REV1: variants seen among roughly 807,000 people sequenced by gnomAD.
REV1 encodes the protein translesion synthesis protein REV1.
Under a neutral mutation model 137.4 loss-of-function variants are expected in REV1, and 42 were observed. That is an observed-to-expected ratio of 0.31 (90% CI 0.24 to 0.40). REV1 has a LOEUF of 0.40. Ranked by LOEUF, REV1 falls within the 10% of genes least tolerant of loss-of-function variation. REV1 has a pLI of 1.00. For synonymous variants in REV1, 524 were observed against 519.2 expected (o/e 1.01, Z -0.12); for missense variants, 1,282 against 1,490.1 (o/e 0.86, Z 2.30).
rs991786156 is a variant in REV1 at position 99,404,425 on chromosome 2, G to T, written c.3045+19C>A. On this transcript the variant is annotated intron_variant, in intron 18 of 22. Transcript: ENST00000258428. The stretch of plus-strand genomic sequence containing the variant: ...GAGAATATTGAAACTACAGCAGAGG[G>T]TTCCCATATTTAACTTACCTGTGAA... 41 of 1,595,662 alleles carry T rather than the reference G, an allele frequency of 2.6e-5. No individual in the cohort carries two copies. Among genetic ancestry groups the T allele is most frequent in the Non-Finnish European group, 3.5e-5 (41 of 1,163,670 alleles).
chr2:99,442,276 A>AAAG, intron 5 of REV1, 41 bp downstream of exon 5: 1 of 1,483,000 alleles, frequency 6.7e-7, no homozygotes, highest in Non-Finnish European at 9.1e-7. Context: ...AAAAAAAAAA[A>AAAG]CCAACCAGCT....
At chr2:99,467,928 C>G (rs1169290256) in intron 1 of REV1, among the ~76,000 whole-genome samples, 1 of 152,188 alleles carries the variant, frequency 6.6e-6, no homozygotes, top group Non-Finnish European at 1.5e-5. Flanking sequence ...CGCCTATAAT[C>G]CCAGCACTTT....
Position 99,403,821 on chromosome 2 carries a change from G to A in REV1, c.3046-6C>T. 1 of 1,613,900 alleles carries A rather than the reference G, an allele frequency of 6.2e-7. No individual in the cohort carries two copies. Among genetic ancestry groups the A allele is most frequent in the Non-Finnish European group, 8.5e-7 (1 of 1,179,924 alleles). On this transcript the variant is annotated splice_polypyrimidine_tract_variant and splice_region_variant and intron_variant, in intron 18 of 22. Transcript: ENST00000258428. ...GCAAATACCTCAGGGTCCACCTAGTGGAAAAGACGAGGTCAAAGTCAAACC... is the reference window on the plus strand; with the variant it reads ...GCAAATACCTCAGGGTCCACCTAGTAGAAAAGACGAGGTCAAAGTCAAACC...
chr2:99,401,404 G>T, intron 22 of REV1, 52 bp from the exon 23 acceptor site: 1 of 1,165,192 alleles, frequency 8.6e-7, no homozygotes, highest in Non-Finnish European at 1.2e-6. Flanking sequence ...AGGTCCTTAA[G>T]ACTAATTATT....
chr2:99,409,951 C>T lies in REV1; in HGVS notation c.2345+744G>A, dbSNP rs139830667. On this transcript the variant is annotated intron_variant, in intron 14 of 22. Transcript: ENST00000258428. ...CATCTTTTTACCAATTAAATGTATA[C>T]ACCTATGTAAATGAAGTTGCTCTCC... Among the ~76,000 whole-genome samples, 133 of 148,780 alleles carry T rather than the reference C, an allele frequency of 8.9e-4. No individual in the cohort carries two copies. In the Middle Eastern group the frequency reaches 0.018, roughly 20 times the overall value.
chr2:99,468,892 C>T (rs564873291), intron 1 of REV1, among the ~76,000 whole-genome samples: 3 of 152,180 alleles, frequency 2.0e-5, no homozygotes, highest in Admixed American at 6.5e-5. Context: ...ACGTGGAAAC[C>T]CTTTGAAAAC....
chr2:99,489,479 G>A (rs1326084312), intron 1 of REV1, among the ~76,000 whole-genome samples: 1 of 148,550 alleles, frequency 6.7e-6, no homozygotes, highest in Non-Finnish European at 1.5e-5. Context: ...GGATGCGGCC[G>A]GGCGCGGAGG....
chr2:99,468,176 A>T (rs1429137154), intron 1 of REV1, among the ~76,000 whole-genome samples: 2 of 100,796 alleles, frequency 2.0e-5, no homozygotes, highest in African/African-American at 4.5e-5. Flanking sequence ...GCGAAACTCC[A>T]TCTCAAAAAA....
intron 1 of REV1, among the ~76,000 whole-genome samples, chr2:99,486,902 G>C (rs778055009): frequency 4.4e-5 from 6 of 136,958 alleles, no homozygotes; most frequent in African/African-American, 8.0e-5. Context: ...TCTAAGGGGG[G>C]AAATAAATAA....
At chr2:99,407,907 A>C in intron 15 of REV1, 122 bp downstream of exon 15, 1 of 474,218 alleles carries the variant, frequency 2.1e-6, no homozygotes, top group Non-Finnish European at 3.7e-6. Context: ...TTGTATTACA[A>C]AGCAGCTAAA....
At chr2:99,447,245 C>T (rs572932848) in intron 4 of REV1, among the ~76,000 whole-genome samples, 2 of 151,288 alleles carry the variant, frequency 1.3e-5, no homozygotes, top group East Asian at 2.0e-4. Flanking sequence ...TAACCTTTGT[C>T]TACTGCAACC....
At chr2:99,414,682 T>C (rs1677616876) in intron 12 of REV1, among the ~76,000 whole-genome samples, 1 of 152,252 alleles carries the variant, frequency 6.6e-6, no homozygotes, top group Non-Finnish European at 1.5e-5. Flanking sequence ...TAAGACTTCT[T>C]AACATCAGGG....
intron 14 of REV1, 22 bp from the exon 15 acceptor site, chr2:99,408,153 A>G: frequency 6.8e-7 from 1 of 1,459,928 alleles, no homozygotes. Context: ...AGAATTAAAA[A>G]ACAAAAGCTT....
intron 11 of REV1, among the ~76,000 whole-genome samples, chr2:99,421,240 A>G (rs1678629681): frequency 6.6e-6 from 1 of 152,066 alleles, no homozygotes; most frequent in South Asian, 2.1e-4. Flanking sequence ...GAAAAAAAAA[A>G]CTGTTTACAA....
intron 9 of REV1, chr2:99,424,539 G>T: frequency 2.2e-6 from 1 of 464,604 alleles, no homozygotes; most frequent in Non-Finnish European, 3.7e-6. Flanking sequence ...TGTATCTGAA[G>T]CTTTCTCCTA....
intron 3 of REV1, among the ~76,000 whole-genome samples, chr2:99,455,252 A>AT (rs755014853): frequency 7.9e-5 from 12 of 152,188 alleles, no homozygotes; most frequent in Non-Finnish European, 1.5e-4. Context: ...TCATTATTTC[A>AT]TTTGAGTTTC....
intron 14 of REV1, among the ~76,000 whole-genome samples, chr2:99,409,867 CA>C (rs1553540969): frequency 2.7e-5 from 3 of 109,552 alleles, no homozygotes; most frequent in East Asian, 3.4e-4. Context: ...CCCCCCCCCC[CA>C]AAAAAAACAG....
chr2:99,437,309 C>A (rs1443992674), intron 6 of REV1, among the ~76,000 whole-genome samples: 1 of 152,024 alleles, frequency 6.6e-6, no homozygotes, highest in Non-Finnish European at 1.5e-5. Flanking sequence ...AGCTCACAAC[C>A]CCATGAGGCA....
intron 1 of REV1, among the ~76,000 whole-genome samples, chr2:99,472,351 T>C (rs1018260989): frequency 3.9e-5 from 6 of 152,130 alleles, no homozygotes; most frequent in Admixed American, 3.3e-4. Context: ...GTATTTAAAG[T>C]AGTTAAATTC....
Sources: gnomAD v4.1 joint callset for allele counts (sites outside exome capture counted in the v4.1 genomes callset) on GRCh38, gnomAD v4.1.1 for gene constraint, MANE v1.5 for transcripts, NCBI Gene and HGNC (gene_info 2026-07-23, HGNC 2026-07-21) for gene names.